KLHL1: variants seen among roughly 807,000 people sequenced by gnomAD.
KLHL1 encodes kelch like family member 1.
Under a neutral mutation model 77.7 loss-of-function variants are expected in KLHL1, and 47 were observed. That is an observed-to-expected ratio of 0.60 (90% confidence interval 0.48 to 0.77). The LOEUF (loss-of-function observed/expected upper bound fraction) is 0.77. Among genes scored for constraint, KLHL1 ranks in the 30% least tolerant of loss-of-function variants. KLHL1 has a pLI of 0.00. For synonymous variants in KLHL1, 360 were observed against 325.2 expected, an observed-to-expected ratio of 1.11 and a Z score of -1.15; for missense variants, 925 against 910.8, an observed-to-expected ratio of 1.02 and a Z score of -0.20.
chr13:69,724,743 C>T (rs894802434), intron 8 of KLHL1, among the ~76,000 whole-genome samples: 5 of 152,092 alleles, frequency 3.3e-5, no homozygotes, highest in Non-Finnish European at 4.4e-5. Context: ...ATAAAAATCA[C>T]ATGATCATCT....
chr13:70,087,221 G>A (rs1306158182), intron 1 of KLHL1, among the ~76,000 whole-genome samples: 1 of 152,126 alleles, frequency 6.6e-6, no homozygotes, highest in Non-Finnish European at 1.5e-5. Context: ...TAGGTTTCTA[G>A]TTTTGTCAAC....
In KLHL1 at chr13:69,799,644, A is replaced by T. The variant is rs140409628; in HGVS notation, c.1415-2682T>A. Among the ~76,000 whole-genome samples the T allele has an allele frequency of 5.0e-3, 760 of 152,282 alleles. 10 individuals carry two copies. The highest frequency in any genetic ancestry group is 0.017 in the African/African-American group (698 of 41,564). ...TCCAATTTAGTGACAAATAACACAGATTTGTTATCTTACAGTTCAGGAGGT... is the reference window on the plus strand; with the variant it reads ...TCCAATTTAGTGACAAATAACACAGTTTTGTTATCTTACAGTTCAGGAGGT... On this transcript the variant is annotated intron_variant, in intron 6 of 10. Transcript: ENST00000377844.
chr13:69,777,418 T>G, intron 7 of KLHL1, among the ~76,000 whole-genome samples: 1 of 152,304 alleles, frequency 6.6e-6, no homozygotes, highest in East Asian at 1.9e-4. Context: ...TTTAATTGAA[T>G]TATTATCTTA....
intron 3 of KLHL1, among the ~76,000 whole-genome samples, chr13:69,951,400 C>G (rs1377461083): frequency 6.6e-6 from 1 of 151,378 alleles, no homozygotes; most frequent in Non-Finnish European, 1.5e-5. Context: ...CTTCTACTGG[C>G]CAGATTTTCG....
chr13:69,785,315 ACAGTGCAAT>A (rs1324438833), intron 7 of KLHL1, among the ~76,000 whole-genome samples: 1 of 152,210 alleles, frequency 6.6e-6, no homozygotes, highest in Non-Finnish European at 1.5e-5. Flanking sequence ...CTCTCACACC[ACAGTGCAAT>A]CAAACTAGAA....
intron 5 of KLHL1, among the ~76,000 whole-genome samples, chr13:69,849,805 GTGAT>G (rs919133592): frequency 1.3e-5 from 2 of 151,394 alleles, no homozygotes; most frequent in African/African-American, 2.4e-5. Flanking sequence ...AACTATTTAA[GTGAT>G]TGATTATTTA....
chr13:69,713,963 A>G (rs77532219), intron 9 of KLHL1, among the ~76,000 whole-genome samples: 13,018 of 152,130 alleles, frequency 0.086, 735 homozygotes, highest in African/African-American at 0.16. Context: ...AATCTCCTCA[A>G]TATATTCAGG....
intron 1 of KLHL1, among the ~76,000 whole-genome samples, chr13:70,047,729 C>T (rs1338526620): frequency 6.6e-6 from 1 of 152,142 alleles, no homozygotes; most frequent in African/African-American, 2.4e-5. Flanking sequence ...CAATTACATT[C>T]TTAACTTCAA....
At chr13:69,922,019 A>G (rs1016744332) in intron 4 of KLHL1, among the ~76,000 whole-genome samples, 18 of 148,944 alleles carry the variant, frequency 1.2e-4, no homozygotes, top group East Asian at 2.0e-4. Context: ...GCCTTGAACT[A>G]CTGGGCTCAA....
chr13:69,705,571 C>G (rs1271599525), intron 10 of KLHL1, among the ~76,000 whole-genome samples: 1 of 151,618 alleles, frequency 6.6e-6, no homozygotes, highest in Non-Finnish European at 1.5e-5. Flanking sequence ...TTCAAGTAGG[C>G]TAGAATCCTG....
Position 69,795,260 on chromosome 13 carries a change from C to G in KLHL1, c.1639+1478G>C, listed in dbSNP as rs545274965. Among the ~76,000 whole-genome samples the G allele has an allele frequency of 2.6e-5, 4 of 152,278 alleles. No individual in the cohort carries two copies. The South Asian group carries it at 8.3e-4, about 32-fold the overall frequency. Reference sequence around the variant, plus strand: ...TTTCCTTTTCTCTCTCTTCCCCCATCAATCTGTGTATATTTAATTTCTTTA... The same window carrying G: ...TTTCCTTTTCTCTCTCTTCCCCCATGAATCTGTGTATATTTAATTTCTTTA... On this transcript the variant is annotated intron_variant, in intron 7 of 10. Transcript: ENST00000377844.
intron 6 of KLHL1, among the ~76,000 whole-genome samples, chr13:69,812,998 C>G (rs1470235351): frequency 6.7e-6 from 1 of 149,286 alleles, no homozygotes; most frequent in African/African-American, 2.5e-5. Flanking sequence ...GATTATAAAT[C>G]ATGCTGCTAT....
chr13:70,104,258 T>C (rs1887993535), intron 1 of KLHL1, among the ~76,000 whole-genome samples: 1 of 152,174 alleles, frequency 6.6e-6, no homozygotes, highest in African/African-American at 2.4e-5. Context: ...ATTGTTTATG[T>C]GGTCAAGGTA....
intron 1 of KLHL1, among the ~76,000 whole-genome samples, chr13:69,978,323 T>C (rs772535875): frequency 1.3e-5 from 2 of 151,508 alleles, no homozygotes; most frequent in Non-Finnish European, 2.9e-5. Flanking sequence ...TGATGCTTCT[T>C]CTGCTTGGGT....
rs946433109 is a variant in KLHL1 at position 70,014,394 on chromosome 13, A to C, written c.498-38592T>G. Among the ~76,000 whole-genome samples, 19 of 152,218 alleles carry C rather than the reference A, an allele frequency of 1.2e-4. No individual in the cohort carries two copies. In the South Asian group the frequency reaches 2.3e-3, roughly 18 times the overall value. ...AATCAATACATTTATGTGGCTATAC[A>C]ATTCACTGTTGTTTGTTTAAAGAAT... On this transcript the variant is annotated intron_variant, in intron 1 of 10. Coordinates refer to ENST00000377844, the MANE Select transcript of KLHL1 (RefSeq NM_020866.3).
chr13:69,800,051 A>G lies in KLHL1; in HGVS notation c.1415-3089T>C, dbSNP rs1178680321. ...AACCCCCACTCTCCGACCCCTGTCC[A>G]TGGAAAAATGTTCTTCCACCAAACT... On this transcript the variant is annotated intron_variant, in intron 6 of 10. Transcript: ENST00000377844. 2.6e-5 allele frequency among the ~76,000 whole-genome samples: 4 copies of G among 152,298 alleles called. No individual in the cohort carries two copies. The East Asian group carries it at 5.8e-4, about 22-fold the overall frequency.
intron 4 of KLHL1, among the ~76,000 whole-genome samples, chr13:69,939,378 T>TACACACACACAC (rs1555283223): frequency 1.4e-5 from 1 of 70,822 alleles, no homozygotes; most frequent in African/African-American, 6.4e-5. Context: ...TATATATATA[T>TACACACACACAC]ACACACACAC....
intron 7 of KLHL1, among the ~76,000 whole-genome samples, chr13:69,791,594 T>A (rs1221269434): frequency 1.3e-5 from 2 of 152,142 alleles, no homozygotes; most frequent in Non-Finnish European, 2.9e-5. Flanking sequence ...ACACATAGAC[T>A]AATGTAATAG....
intron 1 of KLHL1, among the ~76,000 whole-genome samples, chr13:69,983,176 A>G (rs1425982317): frequency 6.6e-6 from 1 of 152,188 alleles, no homozygotes; most frequent in Non-Finnish European, 1.5e-5. Flanking sequence ...AAACTACAAA[A>G]TACTGATGAA....
Sources: gnomAD v4.1 joint callset for allele counts (sites outside exome capture counted in the v4.1 genomes callset) on GRCh38, gnomAD v4.1.1 for gene constraint, MANE v1.5 for transcripts, NCBI Gene and HGNC (gene_info 2026-07-23, HGNC 2026-07-21) for gene names.